The following IQCK variants were observed in gnomAD, a reference collection of about 807,000 sequenced individuals.
IQCK encodes the protein IQ motif containing K, also known as IQ domain-containing protein K.
IQCK carries 29 observed loss-of-function variants against 28.1 expected under a neutral mutation model. The ratio of observed to expected loss-of-function variants is 1.03; its 90% CI spans 0.77 to 1.41. IQCK has a LOEUF of 1.41. IQCK is among the 40% of genes most tolerant of loss of function. The pLI, the probability that IQCK is intolerant of heterozygous loss-of-function variation, is 0.00. For missense variants in IQCK, 359 were observed against 314.7 expected (o/e 1.14, Z -1.07); for synonymous variants, 113 against 115.1 (o/e 0.98, Z 0.12).
chr16:19,785,819 C>T (rs377298766), intron 6 of IQCK, among the ~76,000 whole-genome samples: 3 of 152,102 alleles, frequency 2.0e-5, no homozygotes, highest in Admixed American at 1.3e-4. Flanking sequence ...TGCTTGGGTC[C>T]GCTCCCACAC....
chr16:19,770,623 C>G (rs2055307307), intron 6 of IQCK, among the ~76,000 whole-genome samples: 1 of 104,698 alleles, frequency 9.6e-6, no homozygotes, highest in Non-Finnish European at 1.8e-5. Context: ...GACTGTTTCT[C>G]TTTTGGGGGG....
chr16:19,725,990 A>G (rs1597494723), intron 1 of IQCK, among the ~76,000 whole-genome samples: 1 of 149,438 alleles, frequency 6.7e-6, no homozygotes, highest in South Asian at 2.1e-4. Context: ...ATCTCTGCTC[A>G]CCGCAAGCTC....
At chr16:19,752,278 A>G (rs956946034) in intron 4 of IQCK, among the ~76,000 whole-genome samples, 3 of 152,260 alleles carry the variant, frequency 2.0e-5, no homozygotes, top group East Asian at 3.8e-4. Context: ...CTACATTGCA[A>G]ACTTCACTTG....
chr16:19,745,463 A>G (rs1209205869), intron 4 of IQCK, among the ~76,000 whole-genome samples: 3 of 152,206 alleles, frequency 2.0e-5, no homozygotes, highest in Non-Finnish European at 2.9e-5. Context: ...AGCGGCCGTA[A>G]CATCACATGG....
exon 10 of IQCK, chr16:19,856,582 A>C (rs1047196801): frequency 6.3e-7 from 1 of 1,575,408 alleles, no homozygotes; most frequent in African/African-American, 1.3e-5. Context: ...CCATTCGAGC[A>C]CAAGTTACCT....
intron 6 of IQCK, among the ~76,000 whole-genome samples, chr16:19,773,119 A>G (rs1002435411): frequency 1.3e-5 from 2 of 152,146 alleles, no homozygotes; most frequent in African/African-American, 4.8e-5. Context: ...AGAGCAGTGA[A>G]CCAGGAGGGC....
intron 4 of IQCK, 63 bp downstream of exon 4, chr16:19,735,513 T>G (rs1296249992): frequency 1.6e-6 from 2 of 1,270,482 alleles, no homozygotes; most frequent in Non-Finnish European, 2.3e-6. Flanking sequence ...TATCAGATGA[T>G]AGCTCATTAT....
chr16:19,750,158 G>T (rs902472842), intron 4 of IQCK, among the ~76,000 whole-genome samples: 2 of 151,812 alleles, frequency 1.3e-5, no homozygotes, highest in Non-Finnish European at 2.9e-5. Flanking sequence ...ATGGAGTGTC[G>T]CGCCGTGGCC....
At chr16:19,753,773 C>G (rs1459944230) in intron 4 of IQCK, among the ~76,000 whole-genome samples, 3 of 151,868 alleles carry the variant, frequency 2.0e-5, no homozygotes, top group African/African-American at 7.3e-5. Flanking sequence ...GGACTTGGTT[C>G]TCTCCTGCCT....
At chr16:19,829,222 TC>T (rs2056197427), downstream of IQCK, among the ~76,000 whole-genome samples, 3 of 151,504 alleles carry the variant, frequency 2.0e-5, no homozygotes, top group Non-Finnish European at 4.4e-5. Context: ...TCGTCTAACC[TC>T]CCCATCCTAC....
At chr16:19,775,669 C>A (rs986937538) in intron 6 of IQCK, among the ~76,000 whole-genome samples, 1 of 152,230 alleles carries the variant, frequency 6.6e-6, no homozygotes, top group East Asian at 1.9e-4. Flanking sequence ...AGCCCTCTTA[C>A]CTCTGAGGTC....
chr16:19,783,801 T>G (rs1166880135), intron 6 of IQCK, among the ~76,000 whole-genome samples: 1 of 152,206 alleles, frequency 6.6e-6, no homozygotes, highest in Admixed American at 6.5e-5. Context: ...GGTGGCCTCT[T>G]ATTACTGCTT....
chr16:19,729,135 T>TTTTA (rs1487916961), intron 1 of IQCK, among the ~76,000 whole-genome samples: 15 of 152,190 alleles, frequency 9.9e-5, no homozygotes, highest in South Asian at 2.1e-4. Context: ...TGGACTGTTC[T>TTTTA]TTTATTTATT....
At chr16:19,740,027 A>G (rs1411847184) in intron 4 of IQCK, among the ~76,000 whole-genome samples, 5 of 152,124 alleles carry the variant, frequency 3.3e-5, no homozygotes, top group East Asian at 1.9e-4. Context: ...CACATCTCCA[A>G]CCAAGGCCCA....
chr16:19,720,079 A>G (rs1977442791), intron 1 of IQCK, among the ~76,000 whole-genome samples: 1 of 152,174 alleles, frequency 6.6e-6, no homozygotes, highest in Non-Finnish European at 1.5e-5. Flanking sequence ...GAATGAATGT[A>G]CCAGTATATG....
At chr16:19,756,043 G>A (rs2055047431) in intron 4 of IQCK, among the ~76,000 whole-genome samples, 1 of 152,128 alleles carries the variant, frequency 6.6e-6, no homozygotes, top group Admixed American at 6.5e-5. Context: ...AATTAGCTGG[G>A]CCTGGTGTTG....
At chr16:19,785,481 A>T (rs2055549682) in intron 6 of IQCK, among the ~76,000 whole-genome samples, 1 of 152,196 alleles carries the variant, frequency 6.6e-6, no homozygotes, top group Admixed American at 6.5e-5. Flanking sequence ...TTGAAAAGAA[A>T]ACCCTAACTT....
intron 4 of IQCK, among the ~76,000 whole-genome samples, chr16:19,757,004 T>C (rs1036546461): frequency 2.6e-5 from 4 of 152,196 alleles, no homozygotes; most frequent in Admixed American, 2.6e-4. Context: ...CACTTTTATC[T>C]TGGACTTCCT....
intron 9 of IQCK, among the ~76,000 whole-genome samples, chr16:19,835,661 T>G (rs2141103913): frequency 6.6e-6 from 1 of 151,680 alleles, no homozygotes; most frequent in East Asian, 1.9e-4. Flanking sequence ...CTTGGGTCAC[T>G]GCAACATCCA....
Sources: gnomAD v4.1 joint callset for allele counts (sites outside exome capture counted in the v4.1 genomes callset) on GRCh38, gnomAD v4.1.1 for gene constraint, MANE v1.5 for transcripts, NCBI Gene and HGNC (gene_info 2026-07-23, HGNC 2026-07-21) for gene names.